Variants in AOPEP observed in about 807,000 individuals in gnomAD.
AOPEP encodes the protein aminopeptidase O.
Under a neutral mutation model 98.1 loss-of-function variants are expected in AOPEP, and 77 were observed. That is an observed-to-expected ratio of 0.78 (90% CI 0.65 to 0.95). The LOEUF (loss-of-function observed/expected upper bound fraction) is 0.95, where lower values mean the gene tolerates loss of function less well. Ranked by LOEUF, AOPEP falls within the 40% of genes least tolerant of loss-of-function variation. The probability of loss-of-function intolerance (pLI) is 0.00; values close to 1 mark genes in which losing one functional copy is unlikely to be tolerated. For synonymous variants in AOPEP, 346 were observed against 365.3 expected (o/e 0.95, Z 0.60); for missense variants, 1,024 against 1,024.7 (o/e 1.00, Z 0.01).
Position 94,909,477 on chromosome 9 carries a change from G to T in AOPEP, c.1365-14509G>T, listed in dbSNP as rs553528036. Among the ~76,000 whole-genome samples the T allele has an allele frequency of 2.0e-5, 3 of 150,168 alleles. No homozygotes were observed. In the Admixed American group the frequency reaches 2.0e-4, roughly 10 times the overall value. On this transcript the variant is annotated intron_variant, in intron 5 of 16. Coordinates refer to ENST00000375315, the MANE Select transcript of AOPEP (RefSeq NM_001193329.3). ...TAGTATGAAATGTTTTCTTTTCTTT[G>T]TTTGTTGTTATTTTCCTCTCACATG...
At chr9:94,845,016 C>T (rs7047478) in intron 5 of AOPEP, among the ~76,000 whole-genome samples, 143,227 of 152,352 alleles carry the variant, frequency 0.94, 67,371 homozygotes, top group Middle Eastern at 0.99. Flanking sequence ...TATGTGCAAG[C>T]ACTATTCCAG....
chr9:94,819,765 G>T (rs1852582587), intron 5 of AOPEP, among the ~76,000 whole-genome samples: 1 of 151,498 alleles, frequency 6.6e-6, no homozygotes, highest in Non-Finnish European at 1.5e-5. Context: ...TAGAGACGGG[G>T]TCTGACTACG....
At chr9:94,740,668 A>G (rs748120941) in intron 1 of AOPEP, among the ~76,000 whole-genome samples, 5 of 152,178 alleles carry the variant, frequency 3.3e-5, no homozygotes, top group African/African-American at 7.2e-5. Context: ...CACATGCCAG[A>G]AAGTTCAGCA....
chr9:94,732,875 G>C (rs995040548), intron 1 of AOPEP, among the ~76,000 whole-genome samples: 2 of 152,220 alleles, frequency 1.3e-5, no homozygotes, highest in Non-Finnish European at 2.9e-5. Context: ...GCACAGATCT[G>C]TCTGTGTCCT....
chr9:95,014,573 T>A (rs2062830506), intron 13 of AOPEP, among the ~76,000 whole-genome samples: 1 of 152,190 alleles, frequency 6.6e-6, no homozygotes, highest in Non-Finnish European at 1.5e-5. Flanking sequence ...GGCTACCCAG[T>A]GAGTCTTCTA....
intron 9 of AOPEP, among the ~76,000 whole-genome samples, chr9:94,958,825 T>A (rs1031495294): frequency 3.3e-5 from 5 of 152,228 alleles, no homozygotes; most frequent in African/African-American, 1.2e-4. Flanking sequence ...TTTTATGTTT[T>A]GTGTTTTTAC....
intron 10 of AOPEP, among the ~76,000 whole-genome samples, chr9:94,977,991 AC>A (rs2059954389): frequency 6.6e-6 from 1 of 152,172 alleles, no homozygotes; most frequent in South Asian, 2.1e-4. Context: ...GACGAGGGGC[AC>A]CAGTGAGCGA....
chr9:95,120,748 C>T, the AOPEP span, among the ~76,000 whole-genome samples: 1 of 152,004 alleles, frequency 6.6e-6, no homozygotes. Flanking sequence ...TTTTTTTGTT[C>T]AATCTGACGT....
At chr9:94,859,995 T>C (rs896680706) in intron 5 of AOPEP, among the ~76,000 whole-genome samples, 3 of 152,166 alleles carry the variant, frequency 2.0e-5, no homozygotes, top group African/African-American at 7.2e-5. Flanking sequence ...GTTGGGGAGA[T>C]AGATAGTTAT....
the AOPEP span, among the ~76,000 whole-genome samples, chr9:95,124,205 T>C: frequency 6.6e-6 from 1 of 151,620 alleles, no homozygotes; most frequent in Admixed American, 6.6e-5. Flanking sequence ...CCAAGCATTG[T>C]AGTTCTCCTC....
chr9:95,120,137 ATCTT>A, the AOPEP span, among the ~76,000 whole-genome samples: 7 of 152,238 alleles, frequency 4.6e-5, no homozygotes, highest in Non-Finnish European at 8.8e-5. Context: ...TAGGGGCTTT[ATCTT>A]TCTAACATTT....
At chr9:95,096,402 G>A in the AOPEP span, among the ~76,000 whole-genome samples, 2 of 152,108 alleles carry the variant, frequency 1.3e-5, no homozygotes, top group African/African-American at 4.8e-5. Context: ...TGGCAGGATG[G>A]AATGGCCATC....
At chr9:94,804,293 C>G (rs1848784815) in intron 5 of AOPEP, among the ~76,000 whole-genome samples, 1 of 152,218 alleles carries the variant, frequency 6.6e-6, no homozygotes, top group African/African-American at 2.4e-5. Context: ...GCATTTGTCT[C>G]TCAGCAGTTC....
the AOPEP span, among the ~76,000 whole-genome samples, chr9:95,103,230 C>G: frequency 4.6e-5 from 7 of 152,048 alleles, no homozygotes; most frequent in African/African-American, 1.7e-4. Context: ...ACAAATCCAA[C>G]CTTGCATCTT....
chr9:94,859,738 T>C (rs983359639), intron 5 of AOPEP, among the ~76,000 whole-genome samples: 1 of 152,250 alleles, frequency 6.6e-6, no homozygotes, highest in Non-Finnish European at 1.5e-5. Flanking sequence ...TCAGCTAACC[T>C]GTGTTGGAAT....
intron 2 of AOPEP, among the ~76,000 whole-genome samples, chr9:94,765,101 A>G (rs887308529): frequency 5.3e-5 from 8 of 151,944 alleles, no homozygotes; most frequent in African/African-American, 1.9e-4. Context: ...AGCTGGGACT[A>G]CAGGTGTGCA....
intron 11 of AOPEP, among the ~76,000 whole-genome samples, chr9:94,984,412 G>T (rs1043628479): frequency 3.9e-5 from 6 of 152,150 alleles, no homozygotes; most frequent in Admixed American, 1.3e-4. Context: ...CCTTGGGTAT[G>T]TGAATGAGTC....
At chr9:94,862,107 A>G (rs575693940) in intron 5 of AOPEP, among the ~76,000 whole-genome samples, 1 of 152,320 alleles carries the variant, frequency 6.6e-6, no homozygotes, top group African/African-American at 2.4e-5. Flanking sequence ...CTATTTCACA[A>G]CATAGGAAGC....
downstream of AOPEP, among the ~76,000 whole-genome samples, chr9:95,092,092 ACACAC>A (rs2070875800): frequency 3.3e-5 from 5 of 152,142 alleles, no homozygotes; most frequent in Admixed American, 2.0e-4. Flanking sequence ...GCACACACAC[ACACAC>A]TAGTAGGGAG....
Sources: gnomAD v4.1 joint callset for allele counts (sites outside exome capture counted in the v4.1 genomes callset) on GRCh38, gnomAD v4.1.1 for gene constraint, MANE v1.5 for transcripts, NCBI Gene and HGNC (gene_info 2026-07-23, HGNC 2026-07-21) for gene names.